ABCG8: variants seen among roughly 807,000 people sequenced by gnomAD.
ABCG8 encodes the protein ATP binding cassette subfamily G member 8.
ABCG8 carries 81 observed loss-of-function variants against 71.3 expected under a neutral mutation model. The observed-to-expected ratio is 1.14, with a 90% CI of 0.95 to 1.37. The LOEUF (loss-of-function observed/expected upper bound fraction) is 1.37. ABCG8 is among the 40% of genes most tolerant of loss of function. ABCG8 has a pLI of 0.00. For missense variants in ABCG8, 1,119 were observed against 866.2 expected (o/e 1.29, Z -3.66); for synonymous variants, 451 against 354.7 (o/e 1.27, Z -3.05).
intron 6 of ABCG8, among the ~76,000 whole-genome samples, chr2:43,870,946 C>T (rs1669743968): frequency 6.6e-6 from 1 of 151,734 alleles, no homozygotes; most frequent in South Asian, 2.1e-4. Context: ...CTCGATAGAA[C>T]TTTCACCATC....
At chr2:43,860,881 T>C (rs565849755) in intron 6 of ABCG8, among the ~76,000 whole-genome samples, 19 of 151,540 alleles carry the variant, frequency 1.3e-4, no homozygotes, top group African/African-American at 4.1e-4. Flanking sequence ...ATTCTCACTC[T>C]CTGCATAGAA....
intron 6 of ABCG8, among the ~76,000 whole-genome samples, chr2:43,869,879 C>G (rs1258626144): frequency 2.0e-5 from 3 of 152,140 alleles, no homozygotes; most frequent in Non-Finnish European, 2.9e-5. Flanking sequence ...AGACAGAATT[C>G]TCACTCTCTG....
intron 11 of ABCG8, among the ~76,000 whole-genome samples, chr2:43,876,503 C>CGTGGGAATATGGGGAGACG (rs1669963036): frequency 6.6e-6 from 1 of 151,340 alleles, no homozygotes; most frequent in Non-Finnish European, 1.5e-5. Flanking sequence ...AGGAGGAGAC[C>CGTGGGAATATGGGGAGACG]GTGGGAATAT....
At chr2:43,866,306 C>T (rs1180448226) in intron 6 of ABCG8, among the ~76,000 whole-genome samples, 1 of 151,824 alleles carries the variant, frequency 6.6e-6, no homozygotes, top group Non-Finnish European at 1.5e-5. Context: ...ATGTCTAAAA[C>T]ACCAAAAGCA....
At chr2:43,841,197 C>G (rs921321965) in intron 1 of ABCG8, among the ~76,000 whole-genome samples, 2 of 152,232 alleles carry the variant, frequency 1.3e-5, no homozygotes, top group African/African-American at 2.4e-5. Flanking sequence ...GGGGCATAGG[C>G]TCCTCATCTC....
At chr2:43,857,354 C>G (rs1024215966) in intron 6 of ABCG8, among the ~76,000 whole-genome samples, 1 of 149,760 alleles carries the variant, frequency 6.7e-6, no homozygotes, top group Non-Finnish European at 1.5e-5. Context: ...CTCTCGTATT[C>G]CTCGATAGAA....
At chr2:43,846,747 T>G in intron 3 of ABCG8, 1 of 252,324 alleles carries the variant, frequency 4.0e-6, no homozygotes, top group Non-Finnish European at 7.9e-6. Context: ...TCCAGTGTCT[T>G]ACTTAGCACA....
chr2:43,877,827 A>G lies in ABCG8; in HGVS notation c.1936A>G (p.Ile646Val), dbSNP rs1302267845. The G allele has an allele frequency of 6.2e-7, 1 of 1,613,966 alleles. No individual in the cohort carries two copies. The highest frequency in any genetic ancestry group is 1.1e-5 in the South Asian group (1 of 91,080). Residue 646 changes from isoleucine (I) to valine (V), a missense_variant, in exon 13 of 13, where the codon ATC becomes GTC. By Grantham distance (29) the Ile-to-Val change is conservative. Coordinates refer to ENST00000272286, the MANE Select transcript of ABCG8 (RefSeq NM_022437.3). ...DSYPLYAIYL[I>V]VIGLSGGFMV... ...GTACCCTCTCTACGCCATCTACCTC[A>G]TCGTCATTGGCCTCAGCGGTGGCTT...
chr2:43,848,841 C>A (rs1019564739), intron 3 of ABCG8, among the ~76,000 whole-genome samples: 1 of 151,128 alleles, frequency 6.6e-6, no homozygotes, highest in Non-Finnish European at 1.5e-5. Flanking sequence ...CATGGTGAAA[C>A]CCTGTCTCTA....
chr2:43,860,873 T>C (rs1414413557), intron 6 of ABCG8, among the ~76,000 whole-genome samples: 2 of 151,382 alleles, frequency 1.3e-5, no homozygotes, highest in Non-Finnish European at 3.0e-5. Flanking sequence ...TGGATAGAAT[T>C]CTCACTCTCT....
intron 9 of ABCG8, 83 bp downstream of exon 9, chr2:43,874,069 T>C: frequency 7.5e-7 from 1 of 1,329,182 alleles, no homozygotes; most frequent in Non-Finnish European, 1.0e-6. Flanking sequence ...GGAGCGGGTT[T>C]GATTTCATTG....
chr2:43,843,369 C>T (rs1310096192), intron 1 of ABCG8, among the ~76,000 whole-genome samples: 1 of 152,132 alleles, frequency 6.6e-6, no homozygotes, highest in African/African-American at 2.4e-5. Context: ...TCCTGCCTGA[C>T]AGAAATGTAA....
Position 43,852,885 on chromosome 2 carries a change from A to G in ABCG8, c.964+17A>G. The G allele has an allele frequency of 6.2e-7, 1 of 1,613,326 alleles. No individual in the cohort carries two copies. The highest frequency in any genetic ancestry group is 1.3e-5 in the African/African-American group (1 of 74,902). The stretch of plus-strand genomic sequence containing the variant: ...ACTTCTATGGTGAGTCCCCAAGGCC[A>G]GCAGCCAGGGCCCTGGCACACAGGG... On this transcript the variant is annotated intron_variant, in intron 6 of 12. Transcript: ENST00000272286.
Position 43,878,127 on chromosome 2 carries a change from T to C in ABCG8, c.*214T>C. Reference sequence around the variant, plus strand: ...GGATTTCTGCTCACTGGCAGGAGACTGCGATGACTGGGAGAAAACCTGCAC... The same window carrying C: ...GGATTTCTGCTCACTGGCAGGAGACCGCGATGACTGGGAGAAAACCTGCAC... On this transcript the variant is annotated 3_prime_UTR_variant, in exon 13 of 13. Coordinates refer to ENST00000272286, the MANE Select transcript of ABCG8 (RefSeq NM_022437.3). 1.5e-6 allele frequency: 1 copy of C among 665,346 alleles called. No individual in the cohort carries two copies. The allele number at this position is 665,346 out of a possible 1,614,324, so 41.2% of individuals were successfully genotyped here. A position where few individuals can be genotyped will look rare whatever the true frequency, so the allele number is the denominator to read the frequency against.
At chr2:43,858,669 G>A (rs1669196338) in intron 6 of ABCG8, among the ~76,000 whole-genome samples, 1 of 145,670 alleles carries the variant, frequency 6.9e-6, no homozygotes, top group Non-Finnish European at 1.5e-5. Flanking sequence ...TACCTGTCTG[G>A]ATAGATTTCT....
At chr2:43,876,602 T>C (rs563932626) in intron 11 of ABCG8, among the ~76,000 whole-genome samples, 1 of 148,370 alleles carries the variant, frequency 6.7e-6, no homozygotes, top group South Asian at 2.1e-4. Flanking sequence ...GGAGATCACA[T>C]GAATATGCAG....
rs1287450806 is a variant in ABCG8, at chr2:43,879,821, T to C, written c.*1908T>C. On this transcript the variant is annotated 3_prime_UTR_variant, in exon 13 of 13. Coordinates refer to ENST00000272286, the MANE Select transcript of ABCG8 (RefSeq NM_022437.3). ...AGGCATGTGATTTCAACTTCTCCCA[T>C]ACCAACAACGTTCACTTTGATCACT... The C allele has an allele frequency of 1.3e-5, 2 of 152,202 alleles. No homozygotes were observed. The highest frequency in any genetic ancestry group is 2.9e-5 in the Non-Finnish European group (2 of 68,036). The allele number at this position is 152,202 out of a possible 1,614,324, so 9.4% of individuals were successfully genotyped here.
chr2:43,854,829 G>A (rs1669046368), intron 6 of ABCG8, among the ~76,000 whole-genome samples: 1 of 152,158 alleles, frequency 6.6e-6, no homozygotes, highest in Non-Finnish European at 1.5e-5. Flanking sequence ...GGCCTTGGAG[G>A]TAGAAGGCAG....
At position 43,841,650 on chromosome 2, in the gene ABCG8, G is replaced by A. The variant is rs74742536; in HGVS notation, c.63+2534G>A. Among the ~76,000 whole-genome samples, 780 of 152,220 alleles carry A rather than the reference G, an allele frequency of 5.1e-3. 8 individuals carry two copies. Among genetic ancestry groups the A allele is most frequent in the African/African-American group, 0.017 (692 of 41,540 alleles). Reference sequence around the variant, plus strand: ...GGCTGGCCCACACCTGCCTTCCCAGGCCACAGTGAAGGGGCTTGGGGTGAG... The same window carrying A: ...GGCTGGCCCACACCTGCCTTCCCAGACCACAGTGAAGGGGCTTGGGGTGAG... On this transcript the variant is annotated intron_variant, in intron 1 of 12. Coordinates refer to ENST00000272286, the MANE Select transcript of ABCG8 (RefSeq NM_022437.3).
Sources: gnomAD v4.1 joint callset for allele counts (sites outside exome capture counted in the v4.1 genomes callset) on GRCh38, gnomAD v4.1.1 for gene constraint, MANE v1.5 for transcripts, NCBI Gene and HGNC (gene_info 2026-07-23, HGNC 2026-07-21) for gene names.